The following ARHGAP8 variants were observed in gnomAD, a reference collection of about 807,000 sequenced individuals.
The protein encoded by ARHGAP8 is Rho GTPase activating protein 8, also known as rho GTPase-activating protein 8.
In ARHGAP8, 62 loss-of-function variants were observed where a neutral mutation model predicts 46.1. That is an observed-to-expected ratio of 1.34 (90% CI 1.10 to 1.66). ARHGAP8 has a LOEUF of 1.66. ARHGAP8 is among the 40% of genes most tolerant of loss of function. The pLI, the probability that ARHGAP8 is intolerant of heterozygous loss-of-function variation, is 0.00. For missense variants in ARHGAP8, 923 were observed against 568.4 expected, an observed-to-expected ratio of 1.62 and a Z score of -6.34; for synonymous variants, 375 against 243.1, an observed-to-expected ratio of 1.54 and a Z score of -5.05.
intron 10 of ARHGAP8, among the ~76,000 whole-genome samples, chr22:44,858,533 CTTTTTTT>C (rs10700242): frequency 1.1e-5 from 1 of 89,784 alleles, no homozygotes; most frequent in Non-Finnish European, 2.0e-5. Flanking sequence ...CCATACCCGG[CTTTTTTT>C]TTTTTTTTTT....
Position 44,802,232 on chromosome 22 carries a change from C to T in ARHGAP8, c.167+68C>T, listed in dbSNP as rs1928612349. Reference sequence around the variant, plus strand: ...GTTGCTTGTCCCCATCCCTTCACCCCACCTCACTCTGAGTCATCTGCTGTG... The same window carrying T: ...GTTGCTTGTCCCCATCCCTTCACCCTACCTCACTCTGAGTCATCTGCTGTG... On this transcript the variant is annotated intron_variant, in intron 3 of 11. Transcript: ENST00000356099. The T allele has an allele frequency of 1.9e-6, 3 of 1,580,354 alleles. No individual in the cohort carries two copies. The African/African-American group carries it at 4.0e-5, about 21-fold the overall frequency.
At chr22:44,808,142 A>G (rs1050239817) in intron 3 of ARHGAP8, among the ~76,000 whole-genome samples, 165 bp from the exon 4 acceptor site, 4 of 152,202 alleles carry the variant, frequency 2.6e-5, no homozygotes, top group Non-Finnish European at 5.9e-5. Context: ...TGAGCCTCAG[A>G]TGTCATCTGG....
chr22:44,781,195 C>T (rs1164922967), intron 1 of ARHGAP8, among the ~76,000 whole-genome samples: 1 of 152,170 alleles, frequency 6.6e-6, no homozygotes, highest in African/African-American at 2.4e-5. Context: ...CATCTAGCAT[C>T]AGCATTTCAC....
At chr22:44,840,735 C>G (rs9614577) in intron 7 of ARHGAP8, among the ~76,000 whole-genome samples, 16,829 of 152,224 alleles carry the variant, frequency 0.11, 1,735 homozygotes, top group African/African-American at 0.27. Flanking sequence ...ACGAAGCCGG[C>G]ACATCCCTTT....
intron 10 of ARHGAP8, among the ~76,000 whole-genome samples, chr22:44,853,606 C>T (rs1389554819): frequency 6.6e-6 from 1 of 152,180 alleles, no homozygotes; most frequent in Non-Finnish European, 1.5e-5. Context: ...TGATTATTTA[C>T]ATAAGGGCAG....
Position 44,862,457 on chromosome 22 carries a change from G to A in ARHGAP8, c.1164G>A (p.Gly388=), listed in dbSNP as rs554591547. Residue 388 remains glycine, a synonymous_variant, in exon 12 of 12, where the codon GGG becomes GGA. Coordinates refer to ENST00000356099, the MANE Select transcript of ARHGAP8 (RefSeq NM_181335.3). ...TCTTCAGCACCCCGGAGGCACCTGG[G>A]GAGCACGGCCTGGCACCATGGGAAC... The part of the protein sequence containing the change: ...EKIFSTPEAP[G]EHGLAPWEQG... The A allele has an allele frequency of 6.2e-7, 1 of 1,614,014 alleles. No homozygotes were observed. The highest frequency in any genetic ancestry group is 1.1e-5 in the South Asian group (1 of 91,078).
chr22:44,784,617 G>A (rs1348229882), intron 1 of ARHGAP8, among the ~76,000 whole-genome samples: 1 of 152,144 alleles, frequency 6.6e-6, no homozygotes, highest in Non-Finnish European at 1.5e-5. Flanking sequence ...CCAGGATACT[G>A]AGAGACAACT....
intron 11 of ARHGAP8, among the ~76,000 whole-genome samples, chr22:44,861,473 G>A (rs1372146762): frequency 6.7e-6 from 1 of 149,672 alleles, no homozygotes; most frequent in East Asian, 1.9e-4. Context: ...GGCAGCCAGG[G>A]GGAGCCTGAA....
chr22:44,838,119 G>A (rs1931408321), intron 7 of ARHGAP8, among the ~76,000 whole-genome samples: 1 of 151,292 alleles, frequency 6.6e-6, no homozygotes, highest in South Asian at 2.1e-4. Context: ...GATTACAGGA[G>A]TGCGCCACCA....
At chr22:44,845,547 C>G (rs1407232503) in intron 8 of ARHGAP8, among the ~76,000 whole-genome samples, 1 of 118,254 alleles carries the variant, frequency 8.5e-6, no homozygotes, top group African/African-American at 4.7e-5. Context: ...GCTGTGTGAC[C>G]TGGGGCAGTT....
At chr22:44,859,413 T>C (rs1352684704) in intron 10 of ARHGAP8, among the ~76,000 whole-genome samples, 3 of 152,212 alleles carry the variant, frequency 2.0e-5, no homozygotes, top group African/African-American at 7.2e-5. Context: ...CTTTTTGCCT[T>C]CTGCCATAAT....
chr22:44,859,284 C>A (rs895838714), intron 10 of ARHGAP8, among the ~76,000 whole-genome samples: 1 of 152,136 alleles, frequency 6.6e-6, no homozygotes, highest in African/African-American at 2.4e-5. Context: ...GGGCAGATAC[C>A]TCATGGGTTG....
intron 2 of ARHGAP8, among the ~76,000 whole-genome samples, chr22:44,797,754 G>C (rs941675602): frequency 6.6e-6 from 1 of 152,194 alleles, no homozygotes; most frequent in African/African-American, 2.4e-5. Context: ...CACTGTGCGC[G>C]CGTGTGTGTG....
chr22:44,775,448 T>C (rs935937112), intron 1 of ARHGAP8, among the ~76,000 whole-genome samples: 2 of 39,052 alleles, frequency 5.1e-5, no homozygotes, highest in Non-Finnish European at 1.1e-4. Context: ...GACATAATTC[T>C]TTCTCTTTTT....
At chr22:44,815,118 A>G (rs1465688634) in intron 5 of ARHGAP8, among the ~76,000 whole-genome samples, 1 of 152,210 alleles carries the variant, frequency 6.6e-6, no homozygotes, top group Non-Finnish European at 1.5e-5. Context: ...GAGACAGGGC[A>G]CAGATTTAAG....
chr22:44,828,395 C>G (rs1265399423), intron 7 of ARHGAP8, among the ~76,000 whole-genome samples: 1 of 151,330 alleles, frequency 6.6e-6, no homozygotes, highest in Non-Finnish European at 1.5e-5. Flanking sequence ...GAGAACTCAG[C>G]CCTTGACCAG....
rs537336282 is a variant in ARHGAP8 at position 44,862,348 on chromosome 22, G to C, written c.1055G>C (p.Trp352Ser). 3 of 1,614,034 alleles carry C rather than the reference G, an allele frequency of 1.9e-6. No homozygotes were observed. The highest frequency in any genetic ancestry group is 2.7e-5 in the African/African-American group (2 of 75,034). The change falls in exon 12 of 12, where the codon TGG becomes TCG. Residue 352 changes from tryptophan (W) to serine (S), a missense_variant. By Grantham distance (177) the Trp-to-Ser change is radical. Transcript: ENST00000356099. Reference sequence around the variant, plus strand: ...TGTGTCTTCGGGCTGAATTTGATCTGGCCATCCCAGGGGGTCTCCTCCCTG... The same window carrying C: ...TGTGTCTTCGGGCTGAATTTGATCTCGCCATCCCAGGGGGTCTCCTCCCTG... ...LACVFGLNLI[W>S]PSQGVSSLSA...
chr22:44,784,446 A>G (rs936823814), intron 1 of ARHGAP8, among the ~76,000 whole-genome samples: 3 of 152,200 alleles, frequency 2.0e-5, no homozygotes, highest in African/African-American at 7.2e-5. Flanking sequence ...AATTCCTTAC[A>G]TAGCATTTAC....
At chr22:44,859,434 C>A (rs1250896906) in intron 10 of ARHGAP8, among the ~76,000 whole-genome samples, 2 of 151,678 alleles carry the variant, frequency 1.3e-5, no homozygotes, top group African/African-American at 4.9e-5. Flanking sequence ...TGGAAGCCTC[C>A]TGAGGCTTCT....
Sources: gnomAD v4.1 joint callset for allele counts (sites outside exome capture counted in the v4.1 genomes callset) on GRCh38, gnomAD v4.1.1 for gene constraint, MANE v1.5 for transcripts, NCBI Gene and HGNC (gene_info 2026-07-23, HGNC 2026-07-21) for gene names.